Variants in ERI1 observed in about 807,000 individuals in gnomAD.
ERI1 encodes exoribonuclease 1.
In ERI1, 39 loss-of-function variants were observed where a neutral mutation model predicts 39.7. The observed-to-expected ratio is 0.98, with a 90% confidence interval of 0.76 to 1.28. The LOEUF (loss-of-function observed/expected upper bound fraction) is 1.28. Among genes scored for constraint, ERI1 ranks in the 50% most tolerant of loss-of-function variants. ERI1 has a pLI of 0.00. For missense variants in ERI1, 581 were observed against 416.9 expected (o/e 1.39, Z -3.43); for synonymous variants, 204 against 149.6 (o/e 1.36, Z -2.65).
intron 6 of ERI1, among the ~76,000 whole-genome samples, chr8:9,029,274 G>A (rs754914518): frequency 3.3e-5 from 5 of 152,120 alleles, no homozygotes; most frequent in Non-Finnish European, 7.4e-5. Flanking sequence ...TTAGATGTCT[G>A]AGGATCCTGT....
intron 6 of ERI1, among the ~76,000 whole-genome samples, chr8:9,025,326 A>C (rs1179394242): frequency 6.6e-6 from 1 of 152,216 alleles, no homozygotes; most frequent in Non-Finnish European, 1.5e-5. Flanking sequence ...ATTATTTCCA[A>C]AGACATACTC....
At chr8:9,004,485 CTTTTTTTTTT>C (rs71201904) in intron 1 of ERI1, among the ~76,000 whole-genome samples, 2 of 78,328 alleles carry the variant, frequency 2.6e-5, no homozygotes, top group South Asian at 5.6e-4. Flanking sequence ...TATAGTGATA[CTTTTTTTTTT>C]TTTTTTTTTT....
intron 3 of ERI1, 109 bp downstream of exon 3, chr8:9,011,861 G>A (rs1013226055): frequency 8.9e-6 from 7 of 785,692 alleles, no homozygotes; most frequent in Non-Finnish European, 1.3e-5. Context: ...GACTTCTAAA[G>A]TAAGTTTTTT....
At chr8:9,084,173 G>T (rs1585295178) in intron 3 of ERI1, among the ~76,000 whole-genome samples, 1 of 152,216 alleles carries the variant, frequency 6.6e-6, no homozygotes, top group African/African-American at 2.4e-5. Flanking sequence ...GAGGCAGGAG[G>T]ATCACCTGAG....
intron 1 of ERI1, among the ~76,000 whole-genome samples, chr8:9,004,485 CTTTTT>C (rs71201904): frequency 6.1e-4 from 48 of 78,298 alleles, no homozygotes; most frequent in Non-Finnish European, 6.0e-4. Context: ...TATAGTGATA[CTTTTT>C]TTTTTTTTTT....
At chr8:9,044,525 G>A (rs148852711) in intron 3 of ERI1, among the ~76,000 whole-genome samples, 1 of 152,230 alleles carries the variant, frequency 6.6e-6, no homozygotes, top group African/African-American at 2.4e-5. Flanking sequence ...TGGAGATGAT[G>A]GAGAAATAAT....
intron 3 of ERI1, among the ~76,000 whole-genome samples, chr8:9,076,702 C>A (rs900167136): frequency 6.6e-6 from 1 of 152,136 alleles, no homozygotes; most frequent in African/African-American, 2.4e-5. Flanking sequence ...GGTGGAAAAG[C>A]CACTTCAGTG....
intron 3 of ERI1, among the ~76,000 whole-genome samples, chr8:9,058,747 C>G (rs1798591218): frequency 6.6e-6 from 1 of 151,604 alleles, no homozygotes; most frequent in Non-Finnish European, 1.5e-5. Flanking sequence ...AACAACTCAG[C>G]AAAATAAAAT....
At chr8:9,029,145 A>G (rs1797406178) in intron 6 of ERI1, among the ~76,000 whole-genome samples, 1 of 152,122 alleles carries the variant, frequency 6.6e-6, no homozygotes, top group Non-Finnish European at 1.5e-5. Flanking sequence ...ACTATAGAAA[A>G]ATACCATGTA....
At chr8:9,042,943 TC>T (rs1798070133) in intron 3 of ERI1, among the ~76,000 whole-genome samples, 1 of 152,112 alleles carries the variant, frequency 6.6e-6, no homozygotes, top group Non-Finnish European at 1.5e-5. Flanking sequence ...GTGCCGTATG[TC>T]CCCCGGCACA....
chr8:9,041,254 C>T (rs965335113), intron 3 of ERI1, among the ~76,000 whole-genome samples: 2 of 152,108 alleles, frequency 1.3e-5, no homozygotes, highest in Admixed American at 1.3e-4. Context: ...AACCTTAAGT[C>T]GTAAAATTTA....
At chr8:9,023,740 T>C (rs976907222) in intron 6 of ERI1, among the ~76,000 whole-genome samples, 9 of 150,684 alleles carry the variant, frequency 6.0e-5, no homozygotes, top group Admixed American at 2.0e-4. Flanking sequence ...ATAATGCTAA[T>C]AAGGTATATT....
intron 3 of ERI1, among the ~76,000 whole-genome samples, chr8:9,088,200 A>G (rs1316774835): frequency 6.6e-6 from 1 of 152,092 alleles, no homozygotes; most frequent in Non-Finnish European, 1.5e-5. Context: ...TTCAGGAGAT[A>G]ACACCTTCTC....
chr8:9,009,417 G>A lies in ERI1; in HGVS notation c.287+1269G>A, dbSNP rs898786058. Among the ~76,000 whole-genome samples, 3 of 152,016 alleles carry A rather than the reference G, an allele frequency of 2.0e-5. No homozygotes were observed. In the South Asian group the frequency reaches 6.2e-4, roughly 32 times the overall value. On this transcript the variant is annotated intron_variant, in intron 2 of 6. Coordinates refer to ENST00000250263, the MANE Select transcript of ERI1 (RefSeq NM_153332.4). ...AAAAGGGAGGGGGAGGGTATTTCAG[G>A]CAAAAAAATAACAGAAACTTTTCTA...
chr8:9,004,702 T>G (rs1815787517), intron 1 of ERI1, among the ~76,000 whole-genome samples: 1 of 149,188 alleles, frequency 6.7e-6, no homozygotes, highest in Non-Finnish European at 1.5e-5. Flanking sequence ...TTTTTTTTTT[T>G]GGAGACGGAG....
chr8:9,065,323 TG>T (rs1222829526), intron 3 of ERI1, among the ~76,000 whole-genome samples: 10 of 152,274 alleles, frequency 6.6e-5, no homozygotes, highest in Non-Finnish European at 1.3e-4. Context: ...ATGATGAACT[TG>T]GTCACACCAC....
intron 3 of ERI1, among the ~76,000 whole-genome samples, chr8:9,077,532 C>T (rs946424413): frequency 6.6e-5 from 10 of 152,080 alleles, no homozygotes; most frequent in Non-Finnish European, 1.5e-4. Context: ...GCTGGGGGCT[C>T]CTGGAGGGTG....
At chr8:9,008,945 A>G (rs890216819) in intron 2 of ERI1, 1 of 453,706 alleles carries the variant, frequency 2.2e-6, no homozygotes, top group African/African-American at 2.0e-5. Flanking sequence ...TCAAAAGAGC[A>G]CAAATTTATT....
At chr8:9,029,648 T>G in intron 6 of ERI1, 144 bp from the exon 7 acceptor site, 1 of 1,009,598 alleles carries the variant, frequency 9.9e-7, no homozygotes, top group Non-Finnish European at 1.4e-6. Flanking sequence ...TTTATTTGCC[T>G]TATTTGAGTG....
Sources: gnomAD v4.1 joint callset for allele counts (sites outside exome capture counted in the v4.1 genomes callset) on GRCh38, gnomAD v4.1.1 for gene constraint, MANE v1.5 for transcripts, NCBI Gene and HGNC (gene_info 2026-07-23, HGNC 2026-07-21) for gene names.